GALNT17: variants seen among roughly 807,000 people sequenced by gnomAD.
The protein encoded by GALNT17 is polypeptide N-acetylgalactosaminyltransferase 17.
Under a neutral mutation model 63.7 loss-of-function variants are expected in GALNT17, and 29 were observed. The observed-to-expected ratio is 0.46, with a 90% CI of 0.34 to 0.62. The LOEUF (loss-of-function observed/expected upper bound fraction) is 0.62, where lower values mean the gene tolerates loss of function less well. Among genes scored for constraint, GALNT17 ranks in the 20% least tolerant of loss-of-function variants. The pLI is 0.01. For synonymous variants in GALNT17, 305 were observed against 318.3 expected, an observed-to-expected ratio of 0.96 and a Z score of 0.45; for missense variants, 603 against 799.6, an observed-to-expected ratio of 0.75 and a Z score of 2.97.
At chr7:71,676,398 T>G (rs1291088648) in intron 8 of GALNT17, among the ~76,000 whole-genome samples, 1 of 152,130 alleles carries the variant, frequency 6.6e-6, no homozygotes, top group African/African-American at 2.4e-5. Flanking sequence ...TTTCTTTTTT[T>G]TTTAGAAATA....
intron 1 of GALNT17, among the ~76,000 whole-genome samples, chr7:71,243,576 T>G (rs1048080027): frequency 6.6e-6 from 1 of 152,168 alleles, no homozygotes; most frequent in Admixed American, 6.5e-5. Context: ...TTCTTGTCTT[T>G]TCTTTTCTTA....
At chr7:71,441,390 G>A (rs773748922) in intron 5 of GALNT17, among the ~76,000 whole-genome samples, 68 of 152,110 alleles carry the variant, frequency 4.5e-4, no homozygotes, top group Middle Eastern at 3.2e-3. Flanking sequence ...ATACACAAAT[G>A]ACCATTTGTG....
At chr7:71,558,967 A>G (rs1374646803) in intron 5 of GALNT17, among the ~76,000 whole-genome samples, 1 of 152,184 alleles carries the variant, frequency 6.6e-6, no homozygotes, top group African/African-American at 2.4e-5. Context: ...TTATCCTACA[A>G]AAGGAAATGC....
intron 5 of GALNT17, among the ~76,000 whole-genome samples, chr7:71,424,328 C>T (rs1335915436): frequency 1.3e-5 from 2 of 152,266 alleles, no homozygotes; most frequent in East Asian, 1.9e-4. Flanking sequence ...CACTGATACA[C>T]GGGAGACTGG....
chr7:71,319,776 T>C (rs536941111), intron 1 of GALNT17, among the ~76,000 whole-genome samples: 1 of 152,358 alleles, frequency 6.6e-6, no homozygotes, highest in East Asian at 1.9e-4. Context: ...AAGTGAGTTG[T>C]TCTTGAATCA....
At chr7:71,492,711 A>G (rs929858507) in intron 5 of GALNT17, among the ~76,000 whole-genome samples, 6 of 152,262 alleles carry the variant, frequency 3.9e-5, no homozygotes, top group African/African-American at 1.4e-4. Context: ...AAATGGAGAC[A>G]GTACACTTTC....
At chr7:71,645,417 A>G (rs1790660881) in intron 6 of GALNT17, among the ~76,000 whole-genome samples, 1 of 152,188 alleles carries the variant, frequency 6.6e-6, no homozygotes, top group South Asian at 2.1e-4. Context: ...AGTGTTTGAC[A>G]GTTCCTCCTA....
At chr7:71,615,392 T>A (rs1279078678) in intron 6 of GALNT17, among the ~76,000 whole-genome samples, 3 of 151,978 alleles carry the variant, frequency 2.0e-5, no homozygotes, top group Non-Finnish European at 2.9e-5. Flanking sequence ...GGGCCCCAGA[T>A]GTGGCTTTTC....
At chr7:71,552,323 G>A (rs2116833476) in intron 5 of GALNT17, among the ~76,000 whole-genome samples, 1 of 152,168 alleles carries the variant, frequency 6.6e-6, no homozygotes, top group South Asian at 2.1e-4. Context: ...AGGATTACAG[G>A]CGTGAGCTGC....
intron 1 of GALNT17, among the ~76,000 whole-genome samples, chr7:71,218,467 G>C (rs931547830): frequency 1.1e-4 from 17 of 152,172 alleles, no homozygotes; most frequent in African/African-American, 3.6e-4. Context: ...GCTATGTTTC[G>C]TGTCCTGTTT....
intron 5 of GALNT17, among the ~76,000 whole-genome samples, chr7:71,531,191 C>A (rs1196512028): frequency 2.6e-5 from 4 of 151,932 alleles, no homozygotes; most frequent in African/African-American, 9.7e-5. Context: ...AAAACTAACA[C>A]CACAATCAAT....
chr7:71,255,577 C>T (rs10267183), intron 1 of GALNT17, among the ~76,000 whole-genome samples: 2,786 of 152,244 alleles, frequency 0.018, 80 homozygotes, highest in African/African-American at 0.063. Context: ...TTTACTGGGA[C>T]GGTAGTGCAA....
chr7:71,708,996 A>G (rs551310279), intron 9 of GALNT17, among the ~76,000 whole-genome samples: 10 of 152,290 alleles, frequency 6.6e-5, no homozygotes, highest in South Asian at 4.1e-4. Context: ...TACCTTTGCT[A>G]TTGTGAATAG....
intron 6 of GALNT17, among the ~76,000 whole-genome samples, chr7:71,635,740 T>C (rs1351358288): frequency 6.6e-6 from 1 of 152,206 alleles, no homozygotes; most frequent in Non-Finnish European, 1.5e-5. Context: ...TTTATGGTTA[T>C]TTCTTGATGA....
chr7:71,259,634 TTTTG>T lies in GALNT17; in HGVS notation c.239-75912_239-75909del, dbSNP rs1165308078. Among the ~76,000 whole-genome samples the T allele has an allele frequency of 2.2e-5, 3 of 138,394 alleles. 1 individual carries two copies. The highest frequency in any genetic ancestry group is 8.3e-5 in the African/African-American group (3 of 35,950). The allele number at this position is 138,394 out of a possible 152,430, so 90.8% of individuals were successfully genotyped here. A position where few individuals can be genotyped will look rare whatever the true frequency, so the allele number is the denominator to read the frequency against. On this transcript the variant is annotated intron_variant, in intron 1 of 10. Transcript: ENST00000333538. ...CAACAGATCTTGGTCCTGTTTTGTT[TTTTG>T]TTTTTTTGTTTTTTTTTTTTTGAGA...
intron 2 of GALNT17, among the ~76,000 whole-genome samples, chr7:71,387,074 C>T (rs1792958855): frequency 6.6e-6 from 1 of 151,652 alleles, no homozygotes; most frequent in South Asian, 2.1e-4. Flanking sequence ...AAAGACATCC[C>T]CTCTCCAAAG....
chr7:71,575,463 C>A (rs1313193646), intron 6 of GALNT17, among the ~76,000 whole-genome samples: 2 of 151,440 alleles, frequency 1.3e-5, no homozygotes, highest in East Asian at 2.0e-4. Flanking sequence ...GATCTTGGCT[C>A]ACTGCAGGCT....
intron 7 of GALNT17, among the ~76,000 whole-genome samples, chr7:71,668,907 T>C (rs1334552011): frequency 2.0e-5 from 3 of 152,232 alleles, no homozygotes; most frequent in Non-Finnish European, 2.9e-5. Context: ...TGTAATGAAC[T>C]TCGCAAAGAG....
intron 1 of GALNT17, among the ~76,000 whole-genome samples, chr7:71,311,307 G>T (rs1435044858): frequency 6.6e-6 from 1 of 152,188 alleles, no homozygotes; most frequent in Non-Finnish European, 1.5e-5. Context: ...GCATGCTCTA[G>T]GTTTGGCAGG....
Sources: gnomAD v4.1 joint callset for allele counts (sites outside exome capture counted in the v4.1 genomes callset) on GRCh38, gnomAD v4.1.1 for gene constraint, MANE v1.5 for transcripts, NCBI Gene and HGNC (gene_info 2026-07-23, HGNC 2026-07-21) for gene names.